Variants in AGPAT4 observed in about 807,000 individuals in gnomAD.
AGPAT4 encodes 1-acyl-sn-glycerol-3-phosphate acyltransferase delta.
Under a neutral mutation model 48.0 loss-of-function variants are expected in AGPAT4, and 15 were observed. The ratio of observed to expected loss-of-function variants is 0.31; its 90% CI spans 0.21 to 0.48. AGPAT4 has a LOEUF of 0.48. AGPAT4 is among the 20% of genes least tolerant of loss of function. The pLI, the probability that AGPAT4 is intolerant of heterozygous loss-of-function variation, is 0.99. For missense variants in AGPAT4, 314 were observed against 482.5 expected (o/e 0.65, Z 3.27); for synonymous variants, 178 against 198.7 (o/e 0.90, Z 0.88).
chr6:161,268,561 C>A (rs556637018), intron 1 of AGPAT4, among the ~76,000 whole-genome samples: 3 of 152,114 alleles, frequency 2.0e-5, no homozygotes, highest in Admixed American at 1.3e-4. Flanking sequence ...ATGCACCTCT[C>A]GTCTTGGAGG....
At position 161,165,538 on chromosome 6, in the gene AGPAT4, C is replaced by T. The variant is rs1217700901; in HGVS notation, c.348+710G>A. 8.2e-7 allele frequency: 1 copy of T among 1,220,184 alleles called. No homozygotes were observed. Among genetic ancestry groups the T allele is most frequent in the Non-Finnish European group, 1.1e-6 (1 of 944,948 alleles). 75.6% of individuals were successfully genotyped at this position (1,220,184 alleles called of 1,614,324 possible). A position where few individuals can be genotyped will look rare whatever the true frequency, so the allele number is the denominator to read the frequency against. On this transcript the variant is annotated intron_variant, in intron 3 of 8. Coordinates refer to ENST00000320285, the MANE Select transcript of AGPAT4 (RefSeq NM_020133.3). This position sits in a 1 kb window ranked among gnomAD's most constrained non-coding sequence, Gnocchi z 5.5. ...TCTTAGGACCTTTCCTAGCCCCAGA[C>T]CAATGTACACTGTGTACACTGTGAT...
intron 1 of AGPAT4, among the ~76,000 whole-genome samples, chr6:161,263,215 T>C (rs1783155779): frequency 7.6e-6 from 1 of 132,302 alleles, no homozygotes; most frequent in African/African-American, 3.1e-5. Flanking sequence ...AGGAAAGCTA[T>C]ATAGAAGCTG....
intron 2 of AGPAT4, among the ~76,000 whole-genome samples, chr6:161,181,108 T>C (rs1307609624): frequency 6.6e-6 from 1 of 152,078 alleles, no homozygotes; most frequent in African/African-American, 2.4e-5. Flanking sequence ...AAGCACAAAG[T>C]GAAACTACTA....
In AGPAT4 at chr6:161,200,552, A is replaced by G. The variant is rs1358951359; in HGVS notation, c.178+31484T>C. On this transcript the variant is annotated intron_variant, in intron 2 of 8. Transcript: ENST00000320285. This position sits in a 1 kb window ranked among gnomAD's most constrained non-coding sequence, Gnocchi z 5.5. The stretch of plus-strand genomic sequence containing the variant: ...GGAAAAACAGTGTGTGTGCTTGGGC[A>G]TAACCACAGGGTAGCGTAATCTCAT... Among the ~76,000 whole-genome samples, 1 of 152,246 alleles carries G rather than the reference A, an allele frequency of 6.6e-6. No individual in the cohort carries two copies. Among genetic ancestry groups the G allele is most frequent in the African/African-American group, 2.4e-5 (1 of 41,468 alleles).
At position 161,189,492 on chromosome 6, in the gene AGPAT4, A is replaced by G. The variant is rs536503581; in HGVS notation, c.179-23075T>C. ...GTGAGTGAGGCTCGTCACATGCGGA[A>G]TTCACTTACTTACAACCTTAGTTGC... On this transcript the variant is annotated intron_variant, in intron 2 of 8. Transcript: ENST00000320285. The surrounding 1 kb of genome is among the most constrained non-coding windows in gnomAD (Gnocchi z 5.3). 6.6e-6 allele frequency among the ~76,000 whole-genome samples: 1 copy of G among 152,328 alleles called. No homozygotes were observed. The highest frequency in any genetic ancestry group is 2.1e-4 in the South Asian group (1 of 4,822).
intron 2 of AGPAT4, among the ~76,000 whole-genome samples, chr6:161,192,285 G>A (rs1780949692): frequency 2.0e-5 from 3 of 151,500 alleles, no homozygotes; most frequent in Admixed American, 6.6e-5. Flanking sequence ...TGAATAGCTG[G>A]GATTACAGGT....
At chr6:161,182,550 G>A (rs1228259062) in intron 2 of AGPAT4, among the ~76,000 whole-genome samples, 1 of 152,110 alleles carries the variant, frequency 6.6e-6, no homozygotes, top group Non-Finnish European at 1.5e-5. Context: ...CCTCACCCCA[G>A]CCCCTTGAGG....
At chr6:161,163,914 GCA>G (rs1780013278) in intron 3 of AGPAT4, among the ~76,000 whole-genome samples, 1 of 152,166 alleles carries the variant, frequency 6.6e-6, no homozygotes, top group South Asian at 2.1e-4. Flanking sequence ...CTAATCCTAA[GCA>G]CAGTCTCCAC....
Position 161,206,878 on chromosome 6 carries a change from G to C in AGPAT4, c.178+25158C>G, listed in dbSNP as rs889623817. 1.3e-5 allele frequency among the ~76,000 whole-genome samples: 2 copies of C among 152,144 alleles called. No individual in the cohort carries two copies. The highest frequency in any genetic ancestry group is 3.8e-4 in the East Asian group (2 of 5,202). On this transcript the variant is annotated intron_variant, in intron 2 of 8. Coordinates refer to ENST00000320285, the MANE Select transcript of AGPAT4 (RefSeq NM_020133.3). The surrounding 1 kb of genome is among the most constrained non-coding windows in gnomAD (Gnocchi z 4.8). ...GTGGAAAAGTAATTGGTCAAAATAA[G>C]ACACTCAATGGATGAGCTCAGCAGA...
chr6:161,168,304 CA>C lies in AGPAT4; in HGVS notation c.179-1888del. ...TTACTGGCCAAAGGCCACAGATAAGCACCAAAGCACAACTCCACAGGGAGTC... is the reference window on the plus strand; with the variant it reads ...TTACTGGCCAAAGGCCACAGATAAGCCCAAAGCACAACTCCACAGGGAGTC... On this transcript the variant is annotated intron_variant, in intron 2 of 8. Transcript: ENST00000320285. 2.0e-5 allele frequency among the ~76,000 whole-genome samples: 3 copies of C among 152,266 alleles called. No homozygotes were observed. The Middle Eastern group carries it at 0.01, about 518-fold the overall frequency.
intron 1 of AGPAT4, among the ~76,000 whole-genome samples, chr6:161,248,065 G>A (rs1319985503): frequency 2.7e-5 from 4 of 150,364 alleles, no homozygotes; most frequent in African/African-American, 9.8e-5. Context: ...AATAGGAAGA[G>A]TGGAAGTCAA....
Position 161,229,460 on chromosome 6 carries a change from A to C in AGPAT4, c.178+2576T>G, listed in dbSNP as rs1376522410. On this transcript the variant is annotated intron_variant, in intron 2 of 8. Transcript: ENST00000320285. This position sits in a 1 kb window ranked among gnomAD's most constrained non-coding sequence, Gnocchi z 6.0. ...TCCTCTGGCTGATCAGTGGCCCAGC[A>C]AGGCTTCCTAAACACTCTTTTTACA... Among the ~76,000 whole-genome samples the C allele has an allele frequency of 6.6e-6, 1 of 152,096 alleles. No individual in the cohort carries two copies. Among genetic ancestry groups the C allele is most frequent in the Non-Finnish European group, 1.5e-5 (1 of 67,992 alleles).
In AGPAT4 at chr6:161,272,072, G is replaced by A. The variant is rs1473230449; in HGVS notation, c.-90+1866C>T. Among the ~76,000 whole-genome samples, 1 of 152,108 alleles carries A rather than the reference G, an allele frequency of 6.6e-6. No individual in the cohort carries two copies. The highest frequency in any genetic ancestry group is 1.9e-4 in the East Asian group (1 of 5,198). On this transcript the variant is annotated intron_variant, in intron 1 of 8. Coordinates refer to ENST00000320285, the MANE Select transcript of AGPAT4 (RefSeq NM_020133.3). This position sits in a 1 kb window ranked among gnomAD's most constrained non-coding sequence, Gnocchi z 4.2. Reference sequence around the variant, plus strand: ...AAATAGTTCTCGTCTTTAACTCCATGTGGCTCTGGTTTGTTTTGTGCCATG... The same window carrying A: ...AAATAGTTCTCGTCTTTAACTCCATATGGCTCTGGTTTGTTTTGTGCCATG...
rs1324244802 is a variant in AGPAT4 at position 161,166,160 on chromosome 6, A to G, written c.348+88T>C. 5.3e-6 allele frequency: 8 copies of G among 1,505,918 alleles called. No homozygotes were observed. The highest frequency in any genetic ancestry group is 6.3e-6 in the Non-Finnish European group (7 of 1,105,722). The allele number at this position is 1,505,918 out of a possible 1,614,324, so 93.3% of individuals were successfully genotyped here. A position where few individuals can be genotyped will look rare whatever the true frequency, so the allele number is the denominator to read the frequency against. ...TAGAAACTCTGTTGATTCTTCTGCA[A>G]GTTCTGAATGACCAGGAGCAAAAAG... On this transcript the variant is annotated intron_variant, in intron 3 of 8. Transcript: ENST00000320285. The surrounding 1 kb of genome is among the most constrained non-coding windows in gnomAD (Gnocchi z 6.7).
At position 161,194,806 on chromosome 6, in the gene AGPAT4, C is replaced by CT. The variant is rs145515481; in HGVS notation, c.179-28390dup. Reference sequence around the variant, plus strand: ...GACAGAGGAAACTTATTTTGTTCATCTTTAAGTTATCAGACTTGGTGCCTG... The same window carrying CT: ...GACAGAGGAAACTTATTTTGTTCATCTTTTAAGTTATCAGACTTGGTGCCTG... On this transcript the variant is annotated intron_variant, in intron 2 of 8. Transcript: ENST00000320285. Among the ~76,000 whole-genome samples, 1,462 of 152,278 alleles carry CT rather than the reference C, an allele frequency of 9.6e-3. 23 individuals are homozygous for CT. Among genetic ancestry groups the CT allele is most frequent in the African/African-American group, 0.034 (1,407 of 41,544 alleles).
intron 2 of AGPAT4, among the ~76,000 whole-genome samples, chr6:161,182,739 G>A (rs1481527976): frequency 2.6e-5 from 4 of 152,226 alleles, no homozygotes; most frequent in East Asian, 1.9e-4. Context: ...GTACAATAAG[G>A]CCTGAGAGGC....
intron 2 of AGPAT4, among the ~76,000 whole-genome samples, chr6:161,170,469 GCGCGCA>G (rs781437934): frequency 0.035 from 4,270 of 121,490 alleles, 204 homozygotes; most frequent in African/African-American, 0.12. Flanking sequence ...ACACGTGCGC[GCGCGCA>G]CACACACACA....
Position 161,243,094 on chromosome 6 carries a change from GA to G in AGPAT4, c.-89-10793del, listed in dbSNP as rs1264119127. ...ATTTTTTTTTAATTTAAAAAAAAAT[GA>G]AACTTTTTCAAACATGGAAAGAAGG... On this transcript the variant is annotated intron_variant, in intron 1 of 8. Transcript: ENST00000320285. This position sits in a 1 kb window ranked among gnomAD's most constrained non-coding sequence, Gnocchi z 4.8. Among the ~76,000 whole-genome samples the G allele has an allele frequency of 6.6e-6, 1 of 151,962 alleles. No homozygotes were observed. Among genetic ancestry groups the G allele is most frequent in the East Asian group, 1.9e-4 (1 of 5,174 alleles).
Position 161,135,804 on chromosome 6 carries a change from C to A in AGPAT4, c.*736G>T, listed in dbSNP as rs1278848652. 1 of 152,374 alleles carries A rather than the reference C, an allele frequency of 6.6e-6. No individual in the cohort carries two copies. The highest frequency in any genetic ancestry group is 1.5e-5 in the Non-Finnish European group (1 of 68,142). The allele number at this position is 152,374 out of a possible 1,614,324, so 9.4% of individuals were successfully genotyped here. ...CTTCAAGACTTACGCCAGGAGACTG[C>A]ACTGCAGAGACCGAGCGAAACTCTC... is the stretch of plus-strand genomic sequence containing the variant. On this transcript the variant is annotated 3_prime_UTR_variant, in exon 9 of 9. Coordinates refer to ENST00000320285, the MANE Select transcript of AGPAT4 (RefSeq NM_020133.3).
Sources: allele counts gnomAD v4.1 joint callset (sites outside exome capture counted in the v4.1 genomes callset), GRCh38; gene constraint gnomAD v4.1.1; non-coding constraint Gnocchi (gnomAD v3.1); transcripts MANE v1.5; gene names NCBI Gene and HGNC (gene_info 2026-07-23, HGNC 2026-07-21).